PLAG1: variants seen among roughly 807,000 people sequenced by gnomAD.
The protein encoded by PLAG1 is zinc finger protein PLAG1.
Under a neutral mutation model 35.5 loss-of-function variants are expected in PLAG1, and 7 were observed. The observed-to-expected ratio is 0.20, with a 90% CI of 0.11 to 0.37. PLAG1 has a LOEUF of 0.37. PLAG1 is among the 10% of genes least tolerant of loss of function. The pLI, the probability that PLAG1 is intolerant of heterozygous loss-of-function variation, is 1.00. For missense variants in PLAG1, 454 were observed against 602.8 expected (o/e 0.75, Z 2.58); for synonymous variants, 229 against 225.4 (o/e 1.02, Z -0.14).
At chr8:56,174,129 T>C (rs1450058203) in intron 2 of PLAG1, among the ~76,000 whole-genome samples, 1 of 152,208 alleles carries the variant, frequency 6.6e-6, no homozygotes, top group African/African-American at 2.4e-5. Context: ...AAAGCTTTAT[T>C]CTCCTGTATG....
chr8:56,208,910 G>T (rs1334202692), intron 1 of PLAG1, among the ~76,000 whole-genome samples: 1 of 152,116 alleles, frequency 6.6e-6, no homozygotes, highest in South Asian at 2.1e-4. Context: ...TTTCAAAGGC[G>T]CAAAGTTACA....
chr8:56,194,573 C>G (rs1441446175), intron 1 of PLAG1, among the ~76,000 whole-genome samples: 1 of 151,270 alleles, frequency 6.6e-6, no homozygotes, highest in Non-Finnish European at 1.5e-5. Flanking sequence ...GGACTCAGCA[C>G]TGGGTGTGTG....
chr8:56,181,022 A>G (rs919901053), intron 1 of PLAG1, among the ~76,000 whole-genome samples: 2 of 152,242 alleles, frequency 1.3e-5, no homozygotes, highest in Admixed American at 6.5e-5. Flanking sequence ...ATAAGATACC[A>G]TCTCACGCCA....
At chr8:56,189,189 C>T (rs973315841) in intron 1 of PLAG1, among the ~76,000 whole-genome samples, 15 of 152,318 alleles carry the variant, frequency 9.8e-5, no homozygotes, top group South Asian at 2.1e-4. Context: ...AATGAACCCA[C>T]GGAAGAAAAC....
chr8:56,204,707 T>C (rs916437781), intron 1 of PLAG1, among the ~76,000 whole-genome samples: 2 of 151,978 alleles, frequency 1.3e-5, no homozygotes, highest in African/African-American at 2.4e-5. Flanking sequence ...AACAAAAAGA[T>C]AGGAAATCAC....
Position 56,168,196 on chromosome 8 carries a change from C to A in PLAG1, c.74G>T (p.Arg25Leu). Residue 25 changes from arginine to leucine, a missense_variant, in exon 4 of 5, where the codon CGT becomes CTT. Around this residue, in one of 4 missense-constraint regions of PLAG1, gnomAD observed 170 missense variants for 226.3 expected, o/e 0.75. Coordinates refer to ENST00000316981, the MANE Select transcript of PLAG1 (RefSeq NM_002655.3). ...TQKVPSGKRK[R>L]GETKPRKNFP... ...GTTTTTTCTTGGTTTGGTTTCACCA[C>A]GCTTACGTTTCCCTGAAGGGACTTT... 6.2e-7 allele frequency: 1 copy of A among 1,613,846 alleles called. No homozygotes were observed. The highest frequency in any genetic ancestry group is 1.7e-5 in the Admixed American group (1 of 59,982).
At chr8:56,192,585 G>C (rs1812218485) in intron 1 of PLAG1, among the ~76,000 whole-genome samples, 1 of 152,164 alleles carries the variant, frequency 6.6e-6, no homozygotes, top group Non-Finnish European at 1.5e-5. Flanking sequence ...ATTCCAGAAG[G>C]AAATATCTGT....
chr8:56,187,403 A>T (rs1012912508), intron 1 of PLAG1, among the ~76,000 whole-genome samples: 1 of 152,246 alleles, frequency 6.6e-6, no homozygotes, highest in African/African-American at 2.4e-5. Flanking sequence ...AAAGGCAAGA[A>T]TCAGAACTAG....
chr8:56,202,257 C>A (rs966864568), intron 1 of PLAG1, among the ~76,000 whole-genome samples: 2 of 152,104 alleles, frequency 1.3e-5, no homozygotes, highest in African/African-American at 4.8e-5. Flanking sequence ...AAACACAGAA[C>A]CAGAGTATAC....
Position 56,165,560 on chromosome 8 carries a change from G to A in PLAG1, c.*683C>T, listed in dbSNP as rs1444824016. 2 of 205,656 alleles carry A rather than the reference G, an allele frequency of 9.7e-6. No homozygotes were observed. The highest frequency in any genetic ancestry group is 7.5e-5 in the East Asian group (1 of 13,402). 12.7% of individuals were successfully genotyped at this position (205,656 alleles called of 1,614,324 possible). ...TTTAGGGCCAACTATTAAGTGACAC[G>A]AAATGCCATGTCACCTAACAGAGTC... is the stretch of plus-strand genomic sequence containing the variant. On this transcript the variant is annotated 3_prime_UTR_variant, in exon 5 of 5. Coordinates refer to ENST00000316981, the MANE Select transcript of PLAG1 (RefSeq NM_002655.3).
intron 1 of PLAG1, among the ~76,000 whole-genome samples, chr8:56,196,332 C>G (rs138102360): frequency 2.0e-5 from 3 of 152,300 alleles, no homozygotes; most frequent in South Asian, 2.1e-4. Flanking sequence ...GGGTTCTTCA[C>G]TCTACTGTTG....
At position 56,162,404 on chromosome 8, in the gene PLAG1, C is replaced by A; in HGVS notation, c.*3839G>T. ...TTGTAAAACCTTATGAAAAGACACA[C>A]ACTGATTCTGTGCAATATAGCAAAT... On this transcript the variant is annotated 3_prime_UTR_variant, in exon 5 of 5. Coordinates refer to ENST00000316981, the MANE Select transcript of PLAG1 (RefSeq NM_002655.3). The A allele has an allele frequency of 4.5e-6, 1 of 223,076 alleles. No individual in the cohort carries two copies. Among genetic ancestry groups the A allele is most frequent in the East Asian group, 6.6e-5 (1 of 15,264 alleles). 13.8% of individuals were successfully genotyped at this position (223,076 alleles called of 1,614,324 possible).
intron 1 of PLAG1, among the ~76,000 whole-genome samples, chr8:56,203,185 A>C (rs1468695163): frequency 1.3e-5 from 2 of 152,142 alleles, no homozygotes; most frequent in African/African-American, 4.8e-5. Context: ...ACAGAATTTT[A>C]TATGTGTATT....
rs1811341057 is a variant in PLAG1, at chr8:56,165,981, T to C, written c.*262A>G. 1 of 255,704 alleles carries C rather than the reference T, an allele frequency of 3.9e-6. No homozygotes were observed. The highest frequency in any genetic ancestry group is 5.3e-5 in the Admixed American group (1 of 18,698). The allele number at this position is 255,704 out of a possible 1,614,324, so 15.8% of individuals were successfully genotyped here. A position where few individuals can be genotyped will look rare whatever the true frequency, so the allele number is the denominator to read the frequency against. On this transcript the variant is annotated 3_prime_UTR_variant, in exon 5 of 5. Transcript: ENST00000316981. ...TAAAAGTTTACTACTAATAATGGCT[T>C]TCCTATATGGAAAAAAAAAAGTCTT...
At chr8:56,174,789 T>C (rs1404673329) in intron 2 of PLAG1, among the ~76,000 whole-genome samples, 1 of 152,218 alleles carries the variant, frequency 6.6e-6, no homozygotes, top group Non-Finnish European at 1.5e-5. Context: ...GTATTGAACA[T>C]GCACAGACTT....
Position 56,166,171 on chromosome 8 carries a change from C to T in PLAG1, c.*72G>A, listed in dbSNP as rs1811346135. Reference sequence around the variant, plus strand: ...AATTTTTATACTGTTTTAAAGTAGGCACTAAAATAAAAATGGTCATCTAGG... The same window carrying T: ...AATTTTTATACTGTTTTAAAGTAGGTACTAAAATAAAAATGGTCATCTAGG... On this transcript the variant is annotated 3_prime_UTR_variant, in exon 5 of 5. Transcript: ENST00000316981. 9.7e-7 allele frequency: 1 copy of T among 1,030,074 alleles called. No homozygotes were observed. Among genetic ancestry groups the T allele is most frequent in the African/African-American group, 1.6e-5 (1 of 62,544 alleles). 63.8% of individuals were successfully genotyped at this position (1,030,074 alleles called of 1,614,324 possible).
chr8:56,193,881 G>C (rs1812267780), intron 1 of PLAG1, among the ~76,000 whole-genome samples: 2 of 151,454 alleles, frequency 1.3e-5, no homozygotes, highest in African/African-American at 4.9e-5. Flanking sequence ...ACCACACCTG[G>C]GTAATTTTTT....
Position 56,167,037 on chromosome 8 carries a change from T to A in PLAG1, c.709A>T (p.Asn237Tyr). 6.2e-7 allele frequency: 1 copy of A among 1,614,122 alleles called. No individual in the cohort carries two copies. The highest frequency in any genetic ancestry group is 8.5e-7 in the Non-Finnish European group (1 of 1,179,950). ...HLTRHMKKSH[N>Y]QELLKVKTEP... ...GTTTTGACCTTCAGAAGCTCTTGAT[T>A]GTGACTCTTCTTCATATGTCGAGTC... Residue 237 changes from asparagine (N) to tyrosine (Y), a missense_variant, in exon 5 of 5, where the codon AAT becomes TAT. Coordinates refer to ENST00000316981, the MANE Select transcript of PLAG1 (RefSeq NM_002655.3). The surrounding 1 kb of genome is among the most constrained non-coding windows in gnomAD (Gnocchi z 5.9).
At chr8:56,200,590 C>T (rs1461533701) in intron 1 of PLAG1, among the ~76,000 whole-genome samples, 1 of 152,192 alleles carries the variant, frequency 6.6e-6, no homozygotes, top group East Asian at 1.9e-4. Flanking sequence ...ATTCCTCAGG[C>T]TGGTAATAAA....
Sources: allele counts gnomAD v4.1 joint callset (sites outside exome capture counted in the v4.1 genomes callset), GRCh38; gene constraint gnomAD v4.1.1; regional missense constraint gnomAD v4.1.1; non-coding constraint Gnocchi (gnomAD v3.1); transcripts MANE v1.5; gene names NCBI Gene and HGNC (gene_info 2026-07-23, HGNC 2026-07-21).